Variants in TRPC4 observed in about 807,000 individuals in gnomAD.
The protein encoded by TRPC4 is transient receptor potential cation channel subfamily C member 4.
Under a neutral mutation model 99.4 loss-of-function variants are expected in TRPC4, and 49 were observed. The ratio of observed to expected loss-of-function variants is 0.49; its 90% confidence interval spans 0.39 to 0.63. TRPC4 has a LOEUF of 0.63. Ranked by LOEUF, TRPC4 falls within the 20% of genes least tolerant of loss-of-function variation. The pLI is 0.00. For missense variants in TRPC4, 898 were observed against 1,152.9 expected (o/e 0.78, Z 3.20); for synonymous variants, 454 against 425.9 (o/e 1.07, Z -0.81).
At chr13:37,811,270 A>G (rs1957677816) in intron 1 of TRPC4, among the ~76,000 whole-genome samples, 1 of 152,190 alleles carries the variant, frequency 6.6e-6, no homozygotes, top group Admixed American at 6.6e-5. Flanking sequence ...CTATGATTCC[A>G]GCCAAGAGAA....
intron 3 of TRPC4, among the ~76,000 whole-genome samples, chr13:37,706,492 T>C (rs1013625170): frequency 6.6e-6 from 1 of 152,134 alleles, no homozygotes; most frequent in Non-Finnish European, 1.5e-5. Context: ...TTTTTATTAT[T>C]ATACTTTTAA....
intron 1 of TRPC4, among the ~76,000 whole-genome samples, chr13:37,805,417 T>C (rs1380550354): frequency 1.3e-5 from 2 of 151,952 alleles, no homozygotes; most frequent in Admixed American, 1.3e-4. Flanking sequence ...ACTGGGGAAG[T>C]CTTGAATTAG....
At chr13:37,696,550 G>A (rs1273648531) in intron 3 of TRPC4, among the ~76,000 whole-genome samples, 2 of 152,132 alleles carry the variant, frequency 1.3e-5, no homozygotes, top group African/African-American at 4.8e-5. Flanking sequence ...CCAAATTCTA[G>A]GAACAACCGT....
At chr13:37,691,603 T>A (rs1953714224) in intron 4 of TRPC4, among the ~76,000 whole-genome samples, 2 of 152,084 alleles carry the variant, frequency 1.3e-5, no homozygotes, top group African/African-American at 2.4e-5. Flanking sequence ...TCAGTTACTT[T>A]ATGTATAGAA....
rs9576375 is a variant in TRPC4 at position 37,824,602 on chromosome 13, C to A, written c.-27-41242G>T. Among the ~76,000 whole-genome samples, 5 of 151,428 alleles carry A rather than the reference C, an allele frequency of 3.3e-5. No individual in the cohort carries two copies. In the East Asian group the frequency reaches 5.9e-4, roughly 18 times the overall value. On this transcript the variant is annotated intron_variant, in intron 1 of 10. Coordinates refer to ENST00000379705, the MANE Select transcript of TRPC4 (RefSeq NM_016179.4). Reference sequence around the variant, plus strand: ...ATTGATTTGCGTATATTGAACCAGCCTTGCATCCCAGGGATGAAGCCCACT... The same window carrying A: ...ATTGATTTGCGTATATTGAACCAGCATTGCATCCCAGGGATGAAGCCCACT...
At chr13:37,744,963 G>A (rs944546018) in intron 3 of TRPC4, among the ~76,000 whole-genome samples, 6 of 151,976 alleles carry the variant, frequency 3.9e-5, no homozygotes, top group African/African-American at 1.2e-4. Flanking sequence ...ACTCCCTTGC[G>A]ATGAACTTAC....
intron 3 of TRPC4, among the ~76,000 whole-genome samples, chr13:37,715,863 T>C (rs1021164580): frequency 6.6e-6 from 1 of 152,176 alleles, no homozygotes; most frequent in Non-Finnish European, 1.5e-5. Context: ...CTTGTAACTG[T>C]ATATGGAGGT....
At chr13:37,863,704 C>T (rs2139729553) in intron 1 of TRPC4, among the ~76,000 whole-genome samples, 1 of 151,704 alleles carries the variant, frequency 6.6e-6, no homozygotes, top group Non-Finnish European at 1.5e-5. Context: ...GATAGATTCT[C>T]TGTTCTTCAC....
chr13:37,846,656 AC>A (rs948020525), intron 1 of TRPC4, among the ~76,000 whole-genome samples: 10 of 151,648 alleles, frequency 6.6e-5, no homozygotes, highest in Non-Finnish European at 1.2e-4. Flanking sequence ...AGAAAAAAAA[AC>A]ATATAAAATA....
chr13:37,867,173 T>C (rs1959816103), intron 1 of TRPC4, among the ~76,000 whole-genome samples: 1 of 152,026 alleles, frequency 6.6e-6, no homozygotes, highest in African/African-American at 2.4e-5. Flanking sequence ...CAGTCCCTAA[T>C]TTTATAGTTC....
intron 1 of TRPC4, among the ~76,000 whole-genome samples, chr13:37,795,109 A>G (rs1381685636): frequency 6.6e-6 from 1 of 152,162 alleles, no homozygotes; most frequent in Non-Finnish European, 1.5e-5. Flanking sequence ...TAAAAGAATT[A>G]AACACATATG....
chr13:37,726,099 G>A (rs1475009515), intron 3 of TRPC4, among the ~76,000 whole-genome samples: 4 of 151,962 alleles, frequency 2.6e-5, no homozygotes, highest in Non-Finnish European at 5.9e-5. Context: ...GGAAGGCTGA[G>A]GTAGGAGAAT....
intron 4 of TRPC4, among the ~76,000 whole-genome samples, chr13:37,689,425 A>G (rs1436743024): frequency 6.6e-6 from 1 of 152,164 alleles, no homozygotes. Flanking sequence ...GGTGAACAAT[A>G]TAATGGTTTG....
chr13:37,718,946 T>C (rs1954770677), intron 3 of TRPC4, among the ~76,000 whole-genome samples: 1 of 151,470 alleles, frequency 6.6e-6, no homozygotes, highest in Non-Finnish European at 1.5e-5. Flanking sequence ...TCAAACAGAA[T>C]AACAATGAAG....
intron 2 of TRPC4, among the ~76,000 whole-genome samples, chr13:37,756,766 C>G (rs897050996): frequency 6.6e-6 from 1 of 151,772 alleles, no homozygotes; most frequent in Non-Finnish European, 1.5e-5. Flanking sequence ...AACTCCTGAA[C>G]TCAGGAGACC....
intron 8 of TRPC4, among the ~76,000 whole-genome samples, chr13:37,646,132 G>A (rs1951855806): frequency 6.6e-6 from 1 of 152,174 alleles, no homozygotes; most frequent in Non-Finnish European, 1.5e-5. Context: ...TCTATTCACA[G>A]TTTCTAATTT....
chr13:37,823,953 A>G (rs1958113737), intron 1 of TRPC4, among the ~76,000 whole-genome samples: 1 of 145,452 alleles, frequency 6.9e-6, no homozygotes, highest in Non-Finnish European at 1.5e-5. Flanking sequence ...TTCATTGAGC[A>G]GTGGTTTGTA....
chr13:37,698,811 G>A (rs1342075614), intron 3 of TRPC4, among the ~76,000 whole-genome samples: 1 of 152,122 alleles, frequency 6.6e-6, no homozygotes, highest in African/African-American at 2.4e-5. Flanking sequence ...GCCAATAGGG[G>A]ACTTAAACCA....
chr13:37,727,942 C>T (rs1467780075), intron 3 of TRPC4, among the ~76,000 whole-genome samples: 1 of 151,904 alleles, frequency 6.6e-6, no homozygotes, highest in African/African-American at 2.4e-5. Flanking sequence ...TTTAAAAAAT[C>T]ATACTATTTT....
Sources: gnomAD v4.1 joint callset for allele counts (sites outside exome capture counted in the v4.1 genomes callset) on GRCh38, gnomAD v4.1.1 for gene constraint, MANE v1.5 for transcripts, NCBI Gene and HGNC (gene_info 2026-07-23, HGNC 2026-07-21) for gene names.